Variants in EPHA5 observed in about 807,000 individuals in gnomAD.
The protein encoded by EPHA5 is EPH receptor A5.
In EPHA5, 60 loss-of-function variants were observed where a neutral mutation model predicts 105.0. That is an observed-to-expected ratio of 0.57 (90% CI 0.46 to 0.71). EPHA5 has a LOEUF of 0.71. Ranked by LOEUF, EPHA5 falls within the 30% of genes least tolerant of loss-of-function variation. The pLI, the probability that EPHA5 is intolerant of heterozygous loss-of-function variation, is 0.00. For synonymous variants in EPHA5, 513 were observed against 449.1 expected (o/e 1.14, Z -1.80); for missense variants, 1,218 against 1,274.7 (o/e 0.96, Z 0.68).
At chr4:65,386,244 G>A (rs898739976) in intron 8 of EPHA5, among the ~76,000 whole-genome samples, 2 of 151,726 alleles carry the variant, frequency 1.3e-5, no homozygotes, top group Admixed American at 6.6e-5. Context: ...GCTAATGACT[G>A]TACTTTTTGC....
At chr4:65,523,662 T>A (rs1011928407) in intron 3 of EPHA5, among the ~76,000 whole-genome samples, 2 of 151,998 alleles carry the variant, frequency 1.3e-5, no homozygotes, top group African/African-American at 4.8e-5. Context: ...CCAGGAACTA[T>A]CAGTGAAGAA....
At chr4:65,547,306 A>AG (rs145523709) in intron 3 of EPHA5, among the ~76,000 whole-genome samples, 2 of 151,426 alleles carry the variant, frequency 1.3e-5, no homozygotes, top group Non-Finnish European at 2.9e-5. Context: ...TGGAAAAAAA[A>AG]AAAAAAGAAA....
chr4:65,337,991 A>G lies in EPHA5; in HGVS notation c.2596-1866T>C, dbSNP rs1198454462. Among the ~76,000 whole-genome samples the G allele has an allele frequency of 2.6e-5, 4 of 152,198 alleles. No homozygotes were observed. The East Asian group carries it at 7.7e-4, about 29-fold the overall frequency. ...AAAAACAATATAGTAATTATAAGGC[A>G]AACTCCAGGAGAAAATGTTTTCAGT... On this transcript the variant is annotated intron_variant, in intron 14 of 16. Transcript: ENST00000613740.
chr4:65,643,008 G>A (rs1468713448), intron 2 of EPHA5, among the ~76,000 whole-genome samples: 1 of 152,020 alleles, frequency 6.6e-6, no homozygotes, highest in African/African-American at 2.4e-5. Context: ...ATGCCAGGAT[G>A]ATGGCAAATT....
At chr4:65,550,281 C>T (rs931660371) in intron 3 of EPHA5, among the ~76,000 whole-genome samples, 2 of 151,826 alleles carry the variant, frequency 1.3e-5, no homozygotes. Flanking sequence ...TGGAGGGGTG[C>T]CCATATTTCT....
At chr4:65,332,693 G>T (rs1720752638) in intron 15 of EPHA5, among the ~76,000 whole-genome samples, 1 of 151,720 alleles carries the variant, frequency 6.6e-6, no homozygotes, top group South Asian at 2.1e-4. Context: ...ACTCAATTTT[G>T]CTGTAAACAT....
intron 3 of EPHA5, among the ~76,000 whole-genome samples, chr4:65,514,874 A>C (rs1414150507): frequency 1.3e-5 from 2 of 151,976 alleles, no homozygotes; most frequent in Non-Finnish European, 2.9e-5. Flanking sequence ...CTTCCACAAC[A>C]CCTAGGCCCT....
At chr4:65,581,634 T>C (rs988749669) in intron 3 of EPHA5, among the ~76,000 whole-genome samples, 3 of 151,746 alleles carry the variant, frequency 2.0e-5, no homozygotes, top group African/African-American at 7.2e-5. Context: ...ATACCAGCCA[T>C]AGGGACATTT....
intron 1 of EPHA5, among the ~76,000 whole-genome samples, chr4:65,660,765 A>G (rs1686049317): frequency 6.6e-6 from 1 of 151,876 alleles, no homozygotes; most frequent in Non-Finnish European, 1.5e-5. Context: ...ATTATCATGA[A>G]GTTAATAAAA....
intron 5 of EPHA5, among the ~76,000 whole-genome samples, chr4:65,461,980 C>A (rs1728167937): frequency 6.6e-6 from 1 of 151,928 alleles, no homozygotes. Context: ...ATGCCGTCTA[C>A]TGGAGAAATC....
At chr4:65,477,233 T>C (rs543714813) in intron 5 of EPHA5, among the ~76,000 whole-genome samples, 2 of 152,296 alleles carry the variant, frequency 1.3e-5, no homozygotes, top group Non-Finnish European at 2.9e-5. Context: ...AAAACTGAGC[T>C]ATCTAGGACA....
At chr4:65,420,139 T>C (rs1228833067) in intron 6 of EPHA5, among the ~76,000 whole-genome samples, 1 of 152,174 alleles carries the variant, frequency 6.6e-6, no homozygotes, top group East Asian at 1.9e-4. Flanking sequence ...TGAAAGTCTA[T>C]AGCTTAAGTA....
intron 14 of EPHA5, 44 bp downstream of exon 14, chr4:65,348,010 A>C (rs892285394): frequency 5.3e-6 from 8 of 1,512,650 alleles, no homozygotes; most frequent in Non-Finnish European, 7.1e-6. Flanking sequence ...TCAGAGAACA[A>C]AGCATTTCAT....
chr4:65,464,089 G>A (rs549366359), intron 5 of EPHA5, among the ~76,000 whole-genome samples: 4 of 151,506 alleles, frequency 2.6e-5, no homozygotes, highest in Non-Finnish European at 5.9e-5. Flanking sequence ...TCCATTCAAA[G>A]AAGAACAAAA....
rs1471169899 is a variant in EPHA5 at position 65,414,447 on chromosome 4, G to A, written c.1528-4C>T. ...TCGTGTAGCTGGTCTCTTGGTCCTT[G>A]GGATGCGCATGCATATACAATAAAA... On this transcript the variant is annotated splice_polypyrimidine_tract_variant and splice_region_variant and intron_variant, in intron 6 of 16. Coordinates refer to ENST00000613740, the MANE Select transcript of EPHA5 (RefSeq NM_001281766.3). The A allele has an allele frequency of 1.2e-6, 2 of 1,613,644 alleles. No homozygotes were observed. The highest frequency in any genetic ancestry group is 1.7e-5 in the Admixed American group (1 of 59,982).
intron 4 of EPHA5, among the ~76,000 whole-genome samples, chr4:65,493,766 C>T (rs1731652144): frequency 6.6e-6 from 1 of 151,858 alleles, no homozygotes; most frequent in African/African-American, 2.4e-5. Flanking sequence ...AGCTTCCCCC[C>T]TCACGCCCCA....
At chr4:65,595,145 T>C (rs1334622113) in intron 3 of EPHA5, among the ~76,000 whole-genome samples, 1 of 129,972 alleles carries the variant, frequency 7.7e-6, no homozygotes, top group Non-Finnish European at 1.6e-5. Flanking sequence ...AATGCCACCA[T>C]TTCAGAAAAA....
intron 3 of EPHA5, among the ~76,000 whole-genome samples, chr4:65,520,122 A>T (rs1341960538): frequency 2.0e-5 from 3 of 152,212 alleles, no homozygotes; most frequent in Admixed American, 2.0e-4. Context: ...ATCTGACTTC[A>T]AATTATACTA....
intron 3 of EPHA5, among the ~76,000 whole-genome samples, chr4:65,521,537 GGTT>G (rs1734717096): frequency 6.6e-6 from 1 of 151,584 alleles, no homozygotes; most frequent in Non-Finnish European, 1.5e-5. Flanking sequence ...AAAAAGCAAA[GGTT>G]AAAATCTGTT....
Sources: gnomAD v4.1 joint callset for allele counts (sites outside exome capture counted in the v4.1 genomes callset) on GRCh38, gnomAD v4.1.1 for gene constraint, MANE v1.5 for transcripts, NCBI Gene and HGNC (gene_info 2026-07-23, HGNC 2026-07-21) for gene names.